HAPLN2: variants seen among roughly 807,000 people sequenced by gnomAD.
The protein encoded by HAPLN2 is hyaluronan and proteoglycan link protein 2, also known as brain link protein-1.
Under a neutral mutation model 29.3 loss-of-function variants are expected in HAPLN2, and 27 were observed. The observed-to-expected ratio is 0.92, with a 90% confidence interval of 0.68 to 1.27. HAPLN2 has a LOEUF of 1.27. HAPLN2 is among the 50% of genes most tolerant of loss of function. The pLI, the probability that HAPLN2 is intolerant of heterozygous loss-of-function variation, is 0.00. For synonymous variants in HAPLN2, 208 were observed against 211.7 expected (o/e 0.98, Z 0.15); for missense variants, 454 against 484.3 (o/e 0.94, Z 0.59).
chr1:156,615,121 A>G (rs905263046), upstream of HAPLN2: 1 of 152,166 alleles, frequency 6.6e-6, no homozygotes, highest in Non-Finnish European at 1.5e-5. Flanking sequence ...CATTGTGCAG[A>G]TGAAGTAACA....
rs1016054409 is a variant in HAPLN2 at position 156,625,309 on chromosome 1, T to A, written c.948T>A (p.Asp316Glu). The A allele has an allele frequency of 1.9e-6, 3 of 1,587,250 alleles. No homozygotes were observed. The highest frequency in any genetic ancestry group is 2.6e-6 in the Non-Finnish European group (3 of 1,167,942). ...TPRPRCGGLP[D>E]PGVRSFGFPR... is the part of the protein sequence containing the mutation. ...GGCCGCGCTGCGGGGGGCTCCCGGA[T>A]CCCGGAGTGCGCAGTTTCGGCTTCC... Residue 316 changes from aspartate (D) to glutamate (E), a missense_variant, in exon 7 of 7, where the codon GAT (aspartate) becomes GAA (glutamate). By Grantham distance (45) the Asp-to-Glu change is conservative. Around this residue, in one of 3 missense-constraint regions of HAPLN2, gnomAD observed 235 missense variants for 236.9 expected, o/e 0.99. Coordinates refer to ENST00000255039, the MANE Select transcript of HAPLN2 (RefSeq NM_021817.3). The surrounding 1 kb of genome is among the most constrained non-coding windows in gnomAD (Gnocchi z 5.7).
At chr1:156,604,781 T>C in the HAPLN2 span, among the ~76,000 whole-genome samples, 1 of 152,124 alleles carries the variant, frequency 6.6e-6, no homozygotes, top group African/African-American at 2.4e-5. Flanking sequence ...CAAAACCTCA[T>C]TGAAAGAAAT....
At chr1:156,609,444 GTTATGT>G in the HAPLN2 span, among the ~76,000 whole-genome samples, 1 of 152,180 alleles carries the variant, frequency 6.6e-6, no homozygotes, top group African/African-American at 2.4e-5. Context: ...TTTTAATGTT[GTTATGT>G]TTGTTAAATT....
the HAPLN2 span, among the ~76,000 whole-genome samples, chr1:156,610,554 C>A: frequency 6.6e-6 from 1 of 151,720 alleles, no homozygotes; most frequent in African/African-American, 2.4e-5. Flanking sequence ...GCAGGAGAAT[C>A]GCTTGAACCA....
At chr1:156,615,055 C>T (rs1375173928), upstream of HAPLN2, 4 of 152,202 alleles carry the variant, frequency 2.6e-5, no homozygotes, top group Non-Finnish European at 5.9e-5. Flanking sequence ...TCATTTGCTT[C>T]TGTGTCTCTG....
chr1:156,605,498 G>C, the HAPLN2 span, among the ~76,000 whole-genome samples: 1 of 150,502 alleles, frequency 6.6e-6, no homozygotes, highest in South Asian at 2.1e-4. Flanking sequence ...TACTCTGGAG[G>C]CTGGGCAGGA....
chr1:156,619,667 C>T (rs962539404), intron 1 of HAPLN2, 132 bp downstream of exon 1: 1 of 152,142 alleles, frequency 6.6e-6, no homozygotes, highest in Non-Finnish European at 1.5e-5. Context: ...CCATCCCCAT[C>T]AGTCCAACAC....
the HAPLN2 span, among the ~76,000 whole-genome samples, chr1:156,607,334 G>A: frequency 6.6e-6 from 1 of 152,126 alleles, no homozygotes; most frequent in Non-Finnish European, 1.5e-5. Flanking sequence ...ACAAAAATTA[G>A]CCAGGCATGG....
At chr1:156,623,282 AGGGGATTGCTACTGCCTTCTTCCCCTC>A in intron 2 of HAPLN2, among the ~76,000 whole-genome samples, 158 bp from the exon 3 acceptor site, 1 of 152,038 alleles carries the variant, frequency 6.6e-6, no homozygotes, top group Admixed American at 6.6e-5. Context: ...AGGGAGAGGA[AGGGGATTGCTACTGCCTTCTTCCCCTC>A]ATCACCTTCA....
chr1:156,605,598 C>CAAAAAAAAA, the HAPLN2 span, among the ~76,000 whole-genome samples: 1 of 63,828 alleles, frequency 1.6e-5, no homozygotes, highest in Non-Finnish European at 2.6e-5. Flanking sequence ...GACTTGGTCT[C>CAAAAAAAAA]AAAAAAAAAA....
In HAPLN2 at chr1:156,623,033, C is replaced by CAAAAAAAT. The variant is rs1553235315; in HGVS notation, c.-24-430_-24-423dup. On this transcript the variant is annotated intron_variant, in intron 2 of 6. Coordinates refer to ENST00000255039, the MANE Select transcript of HAPLN2 (RefSeq NM_021817.3). Reference sequence around the variant, plus strand: ...TGGACCATGGAGCAACACTCTGTCTCAAAAAAATAAATAAATAAATAAATA... The same window carrying CAAAAAAAT: ...TGGACCATGGAGCAACACTCTGTCTCAAAAAAATAAAAAAATAAATAAATAAATAAATA... Among the ~76,000 whole-genome samples the CAAAAAAAT allele has an allele frequency of 9.0e-5, 4 of 44,218 alleles. 1 individual carries two copies. The Admixed American group carries it at 9.1e-4, about 10-fold the overall frequency. The allele number at this position is 44,218 out of a possible 152,430, so 29.0% of individuals were successfully genotyped here.
At chr1:156,616,104 G>C (rs1678051206), upstream of HAPLN2, among the ~76,000 whole-genome samples, 1 of 152,128 alleles carries the variant, frequency 6.6e-6, no homozygotes, top group Non-Finnish European at 1.5e-5. Context: ...CAGGAAAACT[G>C]GCCAGCTGAA....
At chr1:156,621,610 G>A (rs1490125809) in intron 2 of HAPLN2, among the ~76,000 whole-genome samples, 1 of 151,832 alleles carries the variant, frequency 6.6e-6, no homozygotes, top group African/African-American at 2.4e-5. Flanking sequence ...GGTGGTGGGT[G>A]CCTGTAGTCC....
the HAPLN2 span, among the ~76,000 whole-genome samples, chr1:156,613,132 T>G: frequency 1.3e-5 from 2 of 151,840 alleles, no homozygotes; most frequent in African/African-American, 4.8e-5. Context: ...AGGCGGATTG[T>G]GAGGTCAGGA....
At chr1:156,608,831 C>T in the HAPLN2 span, among the ~76,000 whole-genome samples, 6 of 152,272 alleles carry the variant, frequency 3.9e-5, no homozygotes, top group African/African-American at 1.4e-4. Context: ...TAGAGTTCTC[C>T]TAGAGGGTGC....
the HAPLN2 span, among the ~76,000 whole-genome samples, chr1:156,602,120 T>A: frequency 1.3e-5 from 2 of 152,080 alleles, no homozygotes; most frequent in South Asian, 4.2e-4. Flanking sequence ...GTATTTTTTT[T>A]GTAGAGAAGG....
At chr1:156,612,110 G>A in the HAPLN2 span, among the ~76,000 whole-genome samples, 36,090 of 152,006 alleles carry the variant, frequency 0.24, 4,590 homozygotes, top group South Asian at 0.49. Context: ...TTCAAGCTCC[G>A]CCTCCAGGGT....
upstream of HAPLN2, among the ~76,000 whole-genome samples, chr1:156,616,422 T>C (rs1481904437): frequency 6.6e-6 from 1 of 152,232 alleles, no homozygotes; most frequent in East Asian, 1.9e-4. Context: ...TGTTTTTGCA[T>C]CTGTCAAATA....
chr1:156,620,924 C>T (rs1189458199), intron 2 of HAPLN2, among the ~76,000 whole-genome samples: 1 of 152,082 alleles, frequency 6.6e-6, no homozygotes, highest in Non-Finnish European at 1.5e-5. Flanking sequence ...TTATTTATTC[C>T]TCACAACTAC....
Sources: gnomAD v4.1 joint callset for allele counts (sites outside exome capture counted in the v4.1 genomes callset) on GRCh38, gnomAD v4.1.1 for gene constraint, gnomAD v4.1.1 regional missense constraint, Gnocchi (gnomAD v3.1) non-coding constraint, MANE v1.5 for transcripts, NCBI Gene and HGNC (gene_info 2026-07-23, HGNC 2026-07-21) for gene names.